The following INSC variants were observed in gnomAD, a reference collection of about 807,000 sequenced individuals.
The protein encoded by INSC is INSC spindle orientation adaptor protein, also known as protein inscuteable homolog.
A neutral mutation model predicts 58.6 loss-of-function variants in INSC; 67 were observed. The observed-to-expected ratio is 1.14, with a 90% confidence interval of 0.94 to 1.40. INSC has a LOEUF of 1.40. INSC is among the 40% of genes most tolerant of loss of function. The pLI is 0.00. For synonymous variants in INSC, 262 were observed against 276.1 expected (o/e 0.95, Z 0.51); for missense variants, 714 against 692.0 (o/e 1.03, Z -0.36).
At chr11:15,119,769 G>A (rs543044590) in intron 1 of INSC, among the ~76,000 whole-genome samples, 6 of 152,302 alleles carry the variant, frequency 3.9e-5, no homozygotes, top group African/African-American at 7.2e-5. Context: ...AGAGGTGGGC[G>A]GTACATACTG....
intron 2 of INSC, among the ~76,000 whole-genome samples, chr11:15,172,782 G>T (rs1849443776): frequency 6.6e-6 from 1 of 152,140 alleles, no homozygotes; most frequent in South Asian, 2.1e-4. Context: ...TGTGTTTGTG[G>T]CAGGGGCGCT....
rs573673618 is a variant in INSC at position 15,218,018 on chromosome 11, T to G, written c.820-3459T>G. Among the ~76,000 whole-genome samples, 6 of 152,304 alleles carry G rather than the reference T, an allele frequency of 3.9e-5. No individual in the cohort carries two copies. The South Asian group carries it at 1.2e-3, about 32-fold the overall frequency. ...ATGCGGAAACACTTTGCCCTAGGAA[T>G]TCCACTCCTAGATTGGGATCTCTGA... On this transcript the variant is annotated intron_variant, in intron 7 of 12. Coordinates refer to ENST00000379556, the MANE Select transcript of INSC (RefSeq NM_001042536.3).
Position 15,212,283 on chromosome 11 carries a change from T to C in INSC, c.820-9194T>C, listed in dbSNP as rs1851057777. 2.0e-5 allele frequency among the ~76,000 whole-genome samples: 3 copies of C among 152,230 alleles called. No homozygotes were observed. The South Asian group carries it at 6.2e-4, about 32-fold the overall frequency. ...CGCCCAGCTAATTTTGTATTTTTAG[T>C]AGAGACAGGTTTCACCGTGTTAGCC... On this transcript the variant is annotated intron_variant, in intron 7 of 12. Transcript: ENST00000379556.
the INSC span, among the ~76,000 whole-genome samples, chr11:15,256,740 G>A: frequency 1.8e-3 from 277 of 152,110 alleles, 1 homozygote; most frequent in African/African-American, 6.4e-3. Flanking sequence ...CACCCACTTC[G>A]GCCTCTCAAA....
At chr11:15,159,874 A>G (rs889008121) in intron 2 of INSC, among the ~76,000 whole-genome samples, 3 of 152,224 alleles carry the variant, frequency 2.0e-5, no homozygotes, top group African/African-American at 4.8e-5. Context: ...TGCTATTATA[A>G]TGATTATGGA....
intron 2 of INSC, among the ~76,000 whole-genome samples, chr11:15,167,067 T>G (rs1024536924): frequency 6.6e-6 from 1 of 152,200 alleles, no homozygotes; most frequent in African/African-American, 2.4e-5. Flanking sequence ...TTTATTTCAC[T>G]GTGACTTCAG....
the INSC span, among the ~76,000 whole-genome samples, chr11:15,257,472 A>G: frequency 6.6e-6 from 1 of 152,170 alleles, no homozygotes; most frequent in Non-Finnish European, 1.5e-5. Context: ...TGGAAAAATC[A>G]TATGTTGTTA....
At chr11:15,228,361 A>C (rs1471530194) in intron 9 of INSC, among the ~76,000 whole-genome samples, 1 of 152,102 alleles carries the variant, frequency 6.6e-6, no homozygotes, top group Non-Finnish European at 1.5e-5. Context: ...GTAGGGAGAG[A>C]ATGTGGTTGC....
At chr11:15,248,367 C>T (rs1015516070), downstream of INSC, among the ~76,000 whole-genome samples, 2 of 152,188 alleles carry the variant, frequency 1.3e-5, no homozygotes, top group Non-Finnish European at 2.9e-5. Flanking sequence ...ATTGCTTTTG[C>T]ACCATTAGTG....
chr11:15,242,725 T>C (rs1044082741), intron 12 of INSC, among the ~76,000 whole-genome samples: 1 of 152,038 alleles, frequency 6.6e-6, no homozygotes, highest in Non-Finnish European at 1.5e-5. Context: ...AAATCTCTCT[T>C]CTTCACAAAA....
At chr11:15,186,590 T>C (rs1849977485) in intron 5 of INSC, among the ~76,000 whole-genome samples, 1 of 152,244 alleles carries the variant, frequency 6.6e-6, no homozygotes, top group Admixed American at 6.5e-5. Context: ...AAATTGGATA[T>C]TCCCACTTAG....
chr11:15,121,837 G>A (rs186661150), intron 1 of INSC, among the ~76,000 whole-genome samples: 110 of 152,220 alleles, frequency 7.2e-4, no homozygotes, highest in Admixed American at 2.4e-3. Context: ...TTATCTCAAT[G>A]TTCACATTGT....
intron 7 of INSC, among the ~76,000 whole-genome samples, chr11:15,202,635 T>G (rs1850639079): frequency 6.6e-6 from 1 of 152,164 alleles, no homozygotes; most frequent in South Asian, 2.1e-4. Context: ...TGGGGTTTGT[T>G]TCTCACCTTT....
At chr11:15,141,524 G>C (rs1378191443) in intron 1 of INSC, among the ~76,000 whole-genome samples, 2 of 152,280 alleles carry the variant, frequency 1.3e-5, no homozygotes, top group East Asian at 3.9e-4. Context: ...CAGCTGTGAG[G>C]GGCTATTGGG....
chr11:15,161,441 G>T (rs1223086585), intron 2 of INSC, among the ~76,000 whole-genome samples: 1 of 152,202 alleles, frequency 6.6e-6, no homozygotes, highest in Non-Finnish European at 1.5e-5. Context: ...TTTTTCTGCT[G>T]CTACAGCTTG....
At chr11:15,156,206 T>G (rs999777987) in intron 2 of INSC, among the ~76,000 whole-genome samples, 1 of 152,182 alleles carries the variant, frequency 6.6e-6, no homozygotes, top group Non-Finnish European at 1.5e-5. Flanking sequence ...GTTGAAAACA[T>G]GCACCCCAAT....
At chr11:15,132,218 T>C (rs1848141754) in intron 1 of INSC, among the ~76,000 whole-genome samples, 1 of 152,204 alleles carries the variant, frequency 6.6e-6, no homozygotes, top group Non-Finnish European at 1.5e-5. Context: ...TTAGTCATAT[T>C]CTTCTAAATT....
intron 1 of INSC, among the ~76,000 whole-genome samples, chr11:15,140,326 A>T (rs1020879031): frequency 6.6e-6 from 1 of 152,174 alleles, no homozygotes. Context: ...CTCGTACTTG[A>T]TAACCACAGC....
downstream of INSC, among the ~76,000 whole-genome samples, chr11:15,249,807 A>T (rs1215239134): frequency 6.6e-6 from 1 of 152,070 alleles, no homozygotes; most frequent in Non-Finnish European, 1.5e-5. Context: ...CTCTACCTAC[A>T]CTCTGTACAA....
Sources: gnomAD v4.1 joint callset for allele counts (sites outside exome capture counted in the v4.1 genomes callset) on GRCh38, gnomAD v4.1.1 for gene constraint, MANE v1.5 for transcripts, NCBI Gene and HGNC (gene_info 2026-07-23, HGNC 2026-07-21) for gene names.